The following MYH11 variants were observed in gnomAD, a reference collection of about 807,000 sequenced individuals.
The protein encoded by MYH11 is myosin-11.
MYH11 carries 80 observed loss-of-function variants against 246.6 expected under a neutral mutation model. The ratio of observed to expected loss-of-function variants is 0.32; its 90% confidence interval spans 0.27 to 0.39. The LOEUF (loss-of-function observed/expected upper bound fraction) is 0.39. Ranked by LOEUF, MYH11 falls within the 10% of genes least tolerant of loss-of-function variation. The pLI is 1.00. For synonymous variants in MYH11, 1,071 were observed against 1,015.5 expected (o/e 1.05, Z -1.04); for missense variants, 2,158 against 2,546.8 (o/e 0.85, Z 3.29).
chr16:15,842,651 C>G (rs981576864), intron 1 of MYH11, among the ~76,000 whole-genome samples: 1 of 150,086 alleles, frequency 6.7e-6, no homozygotes, highest in East Asian at 2.0e-4. Flanking sequence ...GTAATCCTAG[C>G]TACTCGGGAG....
At position 15,855,235 on chromosome 16, in the gene MYH11, C is replaced by T. The variant is rs115450582; in HGVS notation, c.-18+1706G>A. ...CCAGCTAGTTCACGTTCTGGACTCT[C>T]GGCATGGCAGCCCACCTAGGGTCAC... On this transcript the variant is annotated intron_variant, in intron 1 of 40. Coordinates refer to ENST00000300036, the MANE Select transcript of MYH11 (RefSeq NM_002474.3). 1.8e-3 allele frequency among the ~76,000 whole-genome samples: 277 copies of T among 152,342 alleles called. 1 individual carries two copies. Among genetic ancestry groups the T allele is most frequent in the African/African-American group, 6.5e-3 (270 of 41,582 alleles).
intron 3 of MYH11, among the ~76,000 whole-genome samples, chr16:15,810,682 G>A (rs2043119291): frequency 6.6e-6 from 1 of 152,166 alleles, no homozygotes; most frequent in East Asian, 1.9e-4. Flanking sequence ...TTACTTCTTG[G>A]CTCCACCCTA....
At chr16:15,749,551 T>G (rs1273979902) in intron 16 of MYH11, 2 of 154,098 alleles carry the variant, frequency 1.3e-5, no homozygotes, top group African/African-American at 4.8e-5. Flanking sequence ...CCACATTCCA[T>G]CACCATCATC....
chr16:15,787,392 A>T (rs1416980309), intron 4 of MYH11, among the ~76,000 whole-genome samples: 1 of 151,978 alleles, frequency 6.6e-6, no homozygotes, highest in Non-Finnish European at 1.5e-5. Context: ...TGGGTGACAG[A>T]GCAAGACCTC....
chr16:15,777,214 C>G (rs146615528), intron 7 of MYH11, among the ~76,000 whole-genome samples: 2 of 152,108 alleles, frequency 1.3e-5, no homozygotes, highest in Non-Finnish European at 2.9e-5. Context: ...CTCTGCCTCC[C>G]GGATCCAAGC....
chr16:15,706,007 C>CAAAAAAAAAAAAAAAAAAA (rs1555547379), intron 40 of MYH11, among the ~76,000 whole-genome samples: 4 of 66,256 alleles, frequency 6.0e-5, no homozygotes, highest in African/African-American at 1.6e-4. Context: ...AAAAAAAAAT[C>CAAAAAAAAAAAAAAAAAAA]AAGGCCCAGA....
intron 8 of MYH11, among the ~76,000 whole-genome samples, chr16:15,775,193 C>CAT (rs1482599737): frequency 5.3e-5 from 8 of 152,338 alleles, no homozygotes; most frequent in African/African-American, 1.9e-4. Context: ...GTCCAGAACT[C>CAT]ATAACTTCCT....
rs185258401 is a variant in MYH11, at chr16:15,856,898, C to A, written c.-18+43G>T. The A allele has an allele frequency of 1.7e-4, 26 of 152,288 alleles. 1 individual carries two copies. The highest frequency in any genetic ancestry group is 1.5e-4 in the Non-Finnish European group (10 of 68,124). 9.4% of individuals were successfully genotyped at this position (152,288 alleles called of 1,614,324 possible). A position where few individuals can be genotyped will look rare whatever the true frequency, so the allele number is the denominator to read the frequency against. On this transcript the variant is annotated intron_variant, in intron 1 of 40. Transcript: ENST00000300036. ...ATACCCTATAGGACTTTTAACACCC[C>A]CCTGCCCTGCAATCTGCCCCCAGAA...
At chr16:15,814,502 A>G (rs62030624) in intron 3 of MYH11, among the ~76,000 whole-genome samples, 18,195 of 143,418 alleles carry the variant, frequency 0.13, 1,199 homozygotes, top group East Asian at 0.15. Flanking sequence ...GCAGTGAGCC[A>G]AGATCATGCC....
intron 16 of MYH11, chr16:15,749,862 C>G: frequency 1.7e-6 from 1 of 576,534 alleles, no homozygotes; most frequent in South Asian, 2.2e-5. Flanking sequence ...GCACCCAGGA[C>G]AGGGCAGAGC....
Position 15,724,755 on chromosome 16 carries a change from C to A in MYH11, c.4008G>T (p.Thr1336=). The A allele has an allele frequency of 6.2e-7, 1 of 1,614,136 alleles. No individual in the cohort carries two copies. The highest frequency in any genetic ancestry group is 8.5e-7 in the Non-Finnish European group (1 of 1,180,028). The change falls in exon 30 of 41, where the codon ACG becomes ACT. Residue 1336 remains threonine, a synonymous_variant. Transcript: ENST00000300036. The part of the protein sequence containing the change: ...EETRQKLNVS[T]KLRQLEEERN... ...GCTCCTCCTCCAGCTGGCGCAGCTTCGTAGACACGTTGAGCTTCTGCCGGG... is the reference window on the plus strand; with the variant it reads ...GCTCCTCCTCCAGCTGGCGCAGCTTAGTAGACACGTTGAGCTTCTGCCGGG...
At chr16:15,719,793 C>T in intron 34 of MYH11, 80 bp from the exon 35 acceptor site, 3 of 1,586,540 alleles carry the variant, frequency 1.9e-6, no homozygotes, top group Non-Finnish European at 1.7e-6. Context: ...TTTGCACACC[C>T]ACCCCTTGGA....
intron 28 of MYH11, chr16:15,725,279 T>C: frequency 1.7e-6 from 1 of 583,162 alleles, no homozygotes. Flanking sequence ...GACTGGGACC[T>C]GATCCCACTA....
intron 21 of MYH11, 25 bp downstream of exon 21, chr16:15,741,735 C>G (rs760086657): frequency 6.2e-7 from 1 of 1,614,160 alleles, no homozygotes; most frequent in African/African-American, 1.3e-5. Flanking sequence ...CCCCAGCAAC[C>G]CCAGCCATGC....
At chr16:15,844,096 GC>G (rs2044126617) in intron 1 of MYH11, among the ~76,000 whole-genome samples, 1 of 152,168 alleles carries the variant, frequency 6.6e-6, no homozygotes, top group Non-Finnish European at 1.5e-5. Flanking sequence ...ACATATTCTT[GC>G]TCAAAAGAAA....
intron 1 of MYH11, among the ~76,000 whole-genome samples, chr16:15,842,186 A>C (rs145568904): frequency 2.1e-3 from 326 of 152,318 alleles, no homozygotes; most frequent in African/African-American, 5.7e-3. Context: ...CAGGAGTTCG[A>C]GACCAGCCTG....
At chr16:15,839,435 G>A (rs1376743884) in intron 1 of MYH11, among the ~76,000 whole-genome samples, 1 of 152,142 alleles carries the variant, frequency 6.6e-6, no homozygotes, top group African/African-American at 2.4e-5. Context: ...GCTCACGCCT[G>A]TAATCTCAGC....
chr16:15,849,752 T>C (rs1433802068), intron 1 of MYH11, among the ~76,000 whole-genome samples: 1 of 152,186 alleles, frequency 6.6e-6, no homozygotes, highest in African/African-American at 2.4e-5. Context: ...GCGCCCAGGC[T>C]GCTTCATTTT....
At chr16:15,713,771 C>T (rs1356302563) in intron 40 of MYH11, 2 of 152,336 alleles carry the variant, frequency 1.3e-5, no homozygotes, top group Non-Finnish European at 2.9e-5. Flanking sequence ...AGGTGTGAGT[C>T]CCGTGCCCAG....
Sources: gnomAD v4.1 joint callset for allele counts (sites outside exome capture counted in the v4.1 genomes callset) on GRCh38, gnomAD v4.1.1 for gene constraint, MANE v1.5 for transcripts, NCBI Gene and HGNC (gene_info 2026-07-23, HGNC 2026-07-21) for gene names.